Variants in KDM4C observed in about 807,000 individuals in gnomAD.
KDM4C encodes lysine demethylase 4C.
Under a neutral mutation model 129.3 loss-of-function variants are expected in KDM4C, and 81 were observed. The ratio of observed to expected loss-of-function variants is 0.63; its 90% CI spans 0.52 to 0.75. The LOEUF is 0.75. Among genes scored for constraint, KDM4C ranks in the 30% least tolerant of loss-of-function variants. The pLI is 0.00. For synonymous variants in KDM4C, 573 were observed against 456.1 expected (o/e 1.26, Z -3.26); for missense variants, 1,457 against 1,304.0 (o/e 1.12, Z -1.81).
At position 7,174,808 on chromosome 9, in the gene KDM4C, G is replaced by A. The variant is rs557315301; in HGVS notation, c.*79G>A. 71 of 1,310,440 alleles carry A rather than the reference G, an allele frequency of 5.4e-5. 1 individual carries two copies. The highest frequency in any genetic ancestry group is 1.3e-4 in the African/African-American group (9 of 68,666). 81.2% of individuals were successfully genotyped at this position (1,310,440 alleles called of 1,614,324 possible). On this transcript the variant is annotated 3_prime_UTR_variant, in exon 22 of 22. Coordinates refer to ENST00000381309, the MANE Select transcript of KDM4C (RefSeq NM_015061.6). ...GAAGGGACATCCTTGGGGCTGTGCC[G>A]TGAGTTTTGCTGGCATAGGTGACAG...
intron 15 of KDM4C, among the ~76,000 whole-genome samples, chr9:7,035,302 C>T (rs1001431222): frequency 3.4e-5 from 5 of 146,774 alleles, no homozygotes; most frequent in African/African-American, 1.2e-4. Context: ...GCATGAGCTA[C>T]CATGCCTGGC....
chr9:6,887,890 C>T (rs1318759267), intron 6 of KDM4C, 70 bp from the exon 7 acceptor site: 7 of 917,116 alleles, frequency 7.6e-6, no homozygotes, highest in Non-Finnish European at 1.3e-5. Context: ...AGAACTTACA[C>T]ATTAAAAAAC....
At chr9:6,939,968 ACCTACCTACCTTCCTTCCTTCCTTCCTT>A (rs1825566717) in intron 8 of KDM4C, among the ~76,000 whole-genome samples, 1 of 122,394 alleles carries the variant, frequency 8.2e-6, no homozygotes, top group African/African-American at 2.9e-5. Flanking sequence ...CAACCTACCT[ACCTACCTACCTTCCTTCCTTCCTTCCTT>A]CCTTCCTTCC....
At chr9:6,857,360 A>G (rs1396915400) in intron 5 of KDM4C, among the ~76,000 whole-genome samples, 1 of 152,256 alleles carries the variant, frequency 6.6e-6, no homozygotes, top group Non-Finnish European at 1.5e-5. Context: ...ACCAAAAAGT[A>G]TGGTATTAGC....
At position 6,893,314 on chromosome 9, in the gene KDM4C, A is replaced by C. The variant is rs759586118; in HGVS notation, c.921+82A>C. ...TAGGAACCCTACGATCCTGTGCAGC[A>C]TTTATTTATTCTTCCTCACTGGCGC... On this transcript the variant is annotated intron_variant, in intron 8 of 21. Coordinates refer to ENST00000381309, the MANE Select transcript of KDM4C (RefSeq NM_015061.6). 2.4e-5 allele frequency: 27 copies of C among 1,125,864 alleles called. No homozygotes were observed. In the East Asian group the frequency reaches 7.3e-4, roughly 30 times the overall value. 69.7% of individuals were successfully genotyped at this position (1,125,864 alleles called of 1,614,324 possible). A position where few individuals can be genotyped will look rare whatever the true frequency, so the allele number is the denominator to read the frequency against.
chr9:7,087,791 A>C (rs10976034), intron 17 of KDM4C, among the ~76,000 whole-genome samples: 13,221 of 152,272 alleles, frequency 0.087, 714 homozygotes, highest in East Asian at 0.22. Flanking sequence ...TACATGTTTT[A>C]TTTCTAAATG....
chr9:6,729,305 C>G (rs146780015), intron 1 of KDM4C, among the ~76,000 whole-genome samples: 1,460 of 129,786 alleles, frequency 0.011, 402 homozygotes, highest in African/African-American at 0.047. Flanking sequence ...CTTTGGGAGG[C>G]TGAGGCAGGT....
intron 4 of KDM4C, among the ~76,000 whole-genome samples, chr9:6,840,570 T>C (rs995420511): frequency 3.9e-5 from 6 of 152,104 alleles, no homozygotes; most frequent in Admixed American, 3.3e-4. Flanking sequence ...CTAATTTTTG[T>C]ATTTTTAGTA....
intron 9 of KDM4C, among the ~76,000 whole-genome samples, chr9:6,981,642 T>A (rs1484422881): frequency 6.6e-6 from 1 of 152,214 alleles, no homozygotes; most frequent in Non-Finnish European, 1.5e-5. Context: ...CCTTGTGAAC[T>A]TTATTCTCCA....
intron 17 of KDM4C, among the ~76,000 whole-genome samples, chr9:7,063,918 G>C (rs1832055854): frequency 6.6e-6 from 1 of 152,200 alleles, no homozygotes; most frequent in Non-Finnish European, 1.5e-5. Flanking sequence ...AGGGAGCTCT[G>C]AGTCTCAAGA....
At chr9:7,138,540 C>T (rs1001909961) in intron 19 of KDM4C, among the ~76,000 whole-genome samples, 3 of 152,146 alleles carry the variant, frequency 2.0e-5, no homozygotes, top group African/African-American at 7.2e-5. Context: ...TTGGGCCAGG[C>T]ACGGTGGCTC....
rs376815923 is a variant in KDM4C at position 7,033,518 on chromosome 9, G to A, written c.2260-13344G>A. 1.1e-4 allele frequency among the ~76,000 whole-genome samples: 17 copies of A among 152,298 alleles called. No individual in the cohort carries two copies. The East Asian group carries it at 2.1e-3, about 19-fold the overall frequency. Reference sequence around the variant, plus strand: ...ATTATTTCACTTTAACCAAACAGAAGAGCACATAAGAGGATATCAGTTATC... The same window carrying A: ...ATTATTTCACTTTAACCAAACAGAAAAGCACATAAGAGGATATCAGTTATC... On this transcript the variant is annotated intron_variant, in intron 15 of 21. Transcript: ENST00000381309.
intron 1 of KDM4C, among the ~76,000 whole-genome samples, chr9:6,728,475 A>T (rs544170574): frequency 6.6e-6 from 1 of 152,082 alleles, no homozygotes; most frequent in African/African-American, 2.4e-5. Flanking sequence ...CAGAGGTTTC[A>T]GTGAACTGAG....
chr9:6,829,215 A>C (rs1834388850), intron 4 of KDM4C, among the ~76,000 whole-genome samples: 1 of 152,214 alleles, frequency 6.6e-6, no homozygotes, highest in Non-Finnish European at 1.5e-5. Context: ...AAAGAGGTGA[A>C]GATTACTGGG....
chr9:7,096,065 A>G (rs1198899006), intron 17 of KDM4C, among the ~76,000 whole-genome samples: 1 of 152,232 alleles, frequency 6.6e-6, no homozygotes, highest in Non-Finnish European at 1.5e-5. Flanking sequence ...CTTAATAAGT[A>G]TTCAGAATAA....
At chr9:6,990,283 G>C (rs73639448) in intron 11 of KDM4C, 133 bp from the exon 12 acceptor site, 40,333 of 664,184 alleles carry the variant, frequency 0.061, 2,108 homozygotes, top group East Asian at 0.25. Context: ...TAAAGGACTA[G>C]TTCCCCAAGA....
chr9:7,000,721 T>C (rs1050418527), intron 12 of KDM4C, among the ~76,000 whole-genome samples: 1 of 152,208 alleles, frequency 6.6e-6, no homozygotes, highest in African/African-American at 2.4e-5. Flanking sequence ...TACTTTACAT[T>C]TTTTTCAACC....
In KDM4C at chr9:7,011,965, G is replaced by A. The variant is rs1157533606; in HGVS notation, c.1968+86G>A. 9.7e-6 allele frequency: 11 copies of A among 1,135,778 alleles called. No homozygotes were observed. The Admixed American group carries it at 2.2e-4, about 22-fold the overall frequency. 70.4% of individuals were successfully genotyped at this position (1,135,778 alleles called of 1,614,324 possible). ...ACAAGATCACTGTAAATTGTTGTGG[G>A]CTTCCTTTGCACATAAGAAGGAAGA... On this transcript the variant is annotated intron_variant, in intron 13 of 21. Coordinates refer to ENST00000381309, the MANE Select transcript of KDM4C (RefSeq NM_015061.6).
At chr9:6,975,143 C>T (rs1563917204) in intron 8 of KDM4C, among the ~76,000 whole-genome samples, 1 of 152,154 alleles carries the variant, frequency 6.6e-6, no homozygotes, top group African/African-American at 2.4e-5. Flanking sequence ...ATAAGGGAGA[C>T]ATATCCTGGC....
Sources: gnomAD v4.1 joint callset for allele counts (sites outside exome capture counted in the v4.1 genomes callset) on GRCh38, gnomAD v4.1.1 for gene constraint, MANE v1.5 for transcripts, NCBI Gene and HGNC (gene_info 2026-07-23, HGNC 2026-07-21) for gene names.